The following NECTIN2 variants were observed in gnomAD, a reference collection of about 807,000 sequenced individuals.
NECTIN2 encodes the protein nectin cell adhesion molecule 2.
Under a neutral mutation model 56.9 loss-of-function variants are expected in NECTIN2, and 23 were observed. The observed-to-expected ratio is 0.40, with a 90% CI of 0.29 to 0.57. The LOEUF (loss-of-function observed/expected upper bound fraction) is 0.57. NECTIN2 is among the 20% of genes least tolerant of loss of function. NECTIN2 has a pLI of 0.38. For synonymous variants in NECTIN2, 302 were observed against 313.8 expected, an observed-to-expected ratio of 0.96 and a Z score of 0.40; for missense variants, 587 against 718.3, an observed-to-expected ratio of 0.82 and a Z score of 2.09.
chr19:44,878,123 C>T, intron 5 of NECTIN2: 1 of 606,222 alleles, frequency 1.6e-6, no homozygotes. Flanking sequence ...CCATCCCCGC[C>T]TATCCTGCAT....
At chr19:44,846,645 G>A in intron 1 of NECTIN2, 32 bp downstream of exon 1, 1 of 1,515,476 alleles carries the variant, frequency 6.6e-7, no homozygotes, top group South Asian at 1.2e-5. Context: ...CTGCCCTCGC[G>A]CGGACCCCCT....
At chr19:44,852,570 G>C (rs1218552863) in intron 1 of NECTIN2, among the ~76,000 whole-genome samples, 1 of 151,672 alleles carries the variant, frequency 6.6e-6, no homozygotes, top group African/African-American at 2.4e-5. Context: ...GTTTCCTGAG[G>C]GCTCTGTGCA....
chr19:44,878,980 T>C lies in NECTIN2; in HGVS notation c.1043-3231T>C, dbSNP rs951627325. On this transcript the variant is annotated intron_variant, in intron 5 of 8. Transcript: ENST00000252483. ...ATACATCAGACCCCCTCCTTGCATG[T>C]TGGGGAAAGAGAGGGTGGGACAGGG... 9.2e-6 allele frequency: 9 copies of C among 978,534 alleles called. No individual in the cohort carries two copies. In the African/African-American group the frequency reaches 1.2e-4, roughly 13 times the overall value. The allele number at this position is 978,534 out of a possible 1,614,324, so 60.6% of individuals were successfully genotyped here.
rs908195602 is a variant in NECTIN2, at chr19:44,875,172, C to T, written c.1042+694C>T. Among the ~76,000 whole-genome samples the T allele has an allele frequency of 5.9e-5, 9 of 152,162 alleles. No homozygotes were observed. Among genetic ancestry groups the T allele is most frequent in the African/African-American group, 2.2e-4 (9 of 41,424 alleles). ...CTCACCTGGATGGTAACCCTGCACG[C>T]TCAAACCCATTGTCACCAAGACACA... is the stretch of plus-strand genomic sequence containing the variant. On this transcript the variant is annotated intron_variant, in intron 5 of 8. Coordinates refer to ENST00000252483, the MANE Select transcript of NECTIN2 (RefSeq NM_001042724.2). The surrounding 1 kb of genome is among the most constrained non-coding windows in gnomAD (Gnocchi z 4.2).
At chr19:44,858,219 A>G (rs562907134) in intron 1 of NECTIN2, among the ~76,000 whole-genome samples, 4 of 152,006 alleles carry the variant, frequency 2.6e-5, no homozygotes, top group Non-Finnish European at 4.4e-5. Flanking sequence ...CCCCCAAGTG[A>G]CACACCTGAG....
At chr19:44,878,229 C>G in intron 5 of NECTIN2, 1 of 704,500 alleles carries the variant, frequency 1.4e-6, no homozygotes, top group Non-Finnish European at 2.5e-6. Flanking sequence ...TCAGAAACCC[C>G]CAGGGCCTCG....
At chr19:44,879,883 G>A (rs1439463909) in intron 5 of NECTIN2, among the ~76,000 whole-genome samples, 1 of 152,192 alleles carries the variant, frequency 6.6e-6, no homozygotes, top group East Asian at 1.9e-4. Context: ...GCTGTGGCCT[G>A]CACAGACCCA....
intron 1 of NECTIN2, among the ~76,000 whole-genome samples, chr19:44,857,716 T>TG (rs1568588544): frequency 2.7e-5 from 4 of 149,000 alleles, no homozygotes; most frequent in Non-Finnish European, 4.4e-5. Flanking sequence ...TTTTTGTTTT[T>TG]TTTTTTTTAA....
At chr19:44,872,426 A>C (rs1407060222) in intron 3 of NECTIN2, among the ~76,000 whole-genome samples, 2 of 151,932 alleles carry the variant, frequency 1.3e-5, no homozygotes, top group Non-Finnish European at 2.9e-5. Context: ...TTTCTTTCCA[A>C]TTCCACATCC....
intron 1 of NECTIN2, among the ~76,000 whole-genome samples, chr19:44,852,952 AT>A (rs952844730): frequency 1.3e-5 from 2 of 152,010 alleles, no homozygotes; most frequent in South Asian, 2.1e-4. Context: ...ACAAAAAAAA[AT>A]TTTTTTTAAT....
rs779468106 is a variant in NECTIN2, at chr19:44,886,045, C to T, written c.1260+45C>T. The T allele has an allele frequency of 2.6e-5, 41 of 1,573,524 alleles. No individual in the cohort carries two copies. The East Asian group carries it at 7.4e-4, about 28-fold the overall frequency. On this transcript the variant is annotated intron_variant, in intron 7 of 8. Coordinates refer to ENST00000252483, the MANE Select transcript of NECTIN2 (RefSeq NM_001042724.2). ...CCCAAGCTATCCCCACCTCCACACCCACCCCAGGGCTGGGAGGGGCCTGGC... is the reference window on the plus strand; with the variant it reads ...CCCAAGCTATCCCCACCTCCACACCTACCCCAGGGCTGGGAGGGGCCTGGC...
chr19:44,870,049 T>C (rs558605601), intron 2 of NECTIN2, among the ~76,000 whole-genome samples: 1 of 152,250 alleles, frequency 6.6e-6, no homozygotes, highest in East Asian at 1.9e-4. Context: ...TCTGTCTTCA[T>C]GATGCGTGAG....
chr19:44,854,908 G>A (rs1343723656), intron 1 of NECTIN2, among the ~76,000 whole-genome samples: 7 of 151,798 alleles, frequency 4.6e-5, no homozygotes, highest in Non-Finnish European at 5.9e-5. Flanking sequence ...GGCGGATCAC[G>A]AGGTCAGGAG....
chr19:44,868,738 C>G (rs1661907692), intron 2 of NECTIN2, among the ~76,000 whole-genome samples: 1 of 151,712 alleles, frequency 6.6e-6, no homozygotes, highest in Admixed American at 6.6e-5. Context: ...ACGGTGAAAC[C>G]CCATCTCTAC....
chr19:44,887,889 G>A (rs566052987), intron 8 of NECTIN2, among the ~76,000 whole-genome samples: 1 of 152,266 alleles, frequency 6.6e-6, no homozygotes, highest in South Asian at 2.1e-4. Context: ...TGTCAAAAGT[G>A]AGTCCCAGGA....
chr19:44,852,078 G>A (rs2972560), intron 1 of NECTIN2, among the ~76,000 whole-genome samples: 1,537 of 151,726 alleles, frequency 0.01, 28 homozygotes, highest in African/African-American at 0.035. Flanking sequence ...GCCTCCCCCC[G>A]AGACCCCTGC....
rs978559621 is a variant in NECTIN2, at chr19:44,875,487, A to C, written c.1042+1009A>C. Among the ~76,000 whole-genome samples, 9 of 152,202 alleles carry C rather than the reference A, an allele frequency of 5.9e-5. No homozygotes were observed. Among genetic ancestry groups the C allele is most frequent in the Non-Finnish European group, 1.2e-4 (8 of 68,030 alleles). On this transcript the variant is annotated intron_variant, in intron 5 of 8. Coordinates refer to ENST00000252483, the MANE Select transcript of NECTIN2 (RefSeq NM_001042724.2). The surrounding 1 kb of genome is among the most constrained non-coding windows in gnomAD (Gnocchi z 4.2). ...CACCATATTGGTCAGGCTGGTCTCG[A>C]ACTGCTGACCTCAGGTGATCCACCC...
At chr19:44,887,988 G>A in intron 8 of NECTIN2, 122 bp from the exon 9 acceptor site, 3 of 1,056,210 alleles carry the variant, frequency 2.8e-6, no homozygotes, top group East Asian at 2.4e-5. Flanking sequence ...GGGACAAGGA[G>A]TGAGGTGGCA....
chr19:44,870,958 G>C (rs1278674033), intron 2 of NECTIN2, among the ~76,000 whole-genome samples: 1 of 152,118 alleles, frequency 6.6e-6, no homozygotes, highest in Admixed American at 6.6e-5. Flanking sequence ...TAGAACTCCT[G>C]ACCTCAGGTG....
Sources: allele counts gnomAD v4.1 joint callset (sites outside exome capture counted in the v4.1 genomes callset), GRCh38; gene constraint gnomAD v4.1.1; non-coding constraint Gnocchi (gnomAD v3.1); transcripts MANE v1.5; gene names NCBI Gene and HGNC (gene_info 2026-07-23, HGNC 2026-07-21).